GRIN1: variants seen among roughly 807,000 people sequenced by gnomAD.
GRIN1 encodes glutamate ionotropic receptor NMDA type subunit 1, also known as glutamate receptor ionotropic, NMDA 1.
A neutral mutation model predicts 103.0 loss-of-function variants in GRIN1; 38 were observed. The observed-to-expected ratio is 0.37, with a 90% CI of 0.28 to 0.48. The LOEUF (loss-of-function observed/expected upper bound fraction) is 0.48. Among genes scored for constraint, GRIN1 ranks in the 20% least tolerant of loss-of-function variants. GRIN1 has a pLI of 0.98. For synonymous variants in GRIN1, 544 were observed against 532.7 expected, an observed-to-expected ratio of 1.02 and a Z score of -0.29; for missense variants, 577 against 1,288.9, an observed-to-expected ratio of 0.45 and a Z score of 8.46.
chr9:137,142,101 T>A lies in GRIN1; in HGVS notation c.347T>A (p.Ile116Lys). The A allele has an allele frequency of 6.2e-7, 1 of 1,614,220 alleles. No homozygotes were observed. The highest frequency in any genetic ancestry group is 8.5e-7 in the Non-Finnish European group (1 of 1,180,038). The change falls in exon 2 of 20, where the codon ATA (isoleucine) becomes AAA (lysine). Residue 116 changes from isoleucine (I) to lysine (K), a missense_variant. Transcript: ENST00000371561. Reference protein sequence around the residue: ...PVSYTAGFYRIPVLGLTTRMS... With the variant: ...PVSYTAGFYRKPVLGLTTRMS... The stretch of plus-strand genomic sequence containing the variant: ...TCCTACACAGCCGGCTTCTACCGCA[T>A]ACCCGTGCTGGGGCTGACCACCCGC...
At position 137,149,064 on chromosome 9, in the gene GRIN1, T is replaced by G; in HGVS notation, c.626T>G (p.Met209Arg). Reference sequence around the variant, plus strand: ...ACCAAGAACGTGACGGCCCTGCTGATGGAGGCGAAAGAGCTGGAGGCCCGG... The same window carrying G: ...ACCAAGAACGTGACGGCCCTGCTGAGGGAGGCGAAAGAGCTGGAGGCCCGG... ...PGTKNVTALL[M>R]EAKELEARVI... Residue 209 changes from methionine (M) to arginine (R), a missense_variant, in exon 4 of 20, where the codon ATG (methionine) becomes AGG (arginine). Physicochemically the swap from Met to Arg is moderately conservative, Grantham distance 91. This residue lies in a region of GRIN1 where 308 missense variants were observed against 553.6 expected (regional missense o/e 0.56). Coordinates refer to ENST00000371561, the MANE Select transcript of GRIN1 (RefSeq NM_007327.4). The G allele has an allele frequency of 6.2e-7, 1 of 1,613,640 alleles. No individual in the cohort carries two copies. Among genetic ancestry groups the G allele is most frequent in the Non-Finnish European group, 8.5e-7 (1 of 1,179,756 alleles).
In GRIN1 at chr9:137,158,448, G is replaced by A; in HGVS notation, c.1038G>A (p.Arg346=). The change falls in exon 7 of 20, where the codon CGG becomes CGA. Residue 346 remains arginine, a synonymous_variant. Transcript: ENST00000371561. ...GRVEFNEDGD[R]KFANYSIMNL... ...TGGAGTTCAATGAGGATGGGGACCG[G>A]AAGTTCGCCAACTACAGCATCATGA... is the stretch of plus-strand genomic sequence containing the variant. 1.2e-6 allele frequency: 2 copies of A among 1,613,602 alleles called. No homozygotes were observed. Among genetic ancestry groups the A allele is most frequent in the Non-Finnish European group, 1.7e-6 (2 of 1,179,974 alleles).
chr9:137,156,036 G>A (rs1833196776), intron 4 of GRIN1, among the ~76,000 whole-genome samples: 1 of 152,250 alleles, frequency 6.6e-6, no homozygotes, highest in Admixed American at 6.5e-5. Context: ...GGACCAGAGG[G>A]GTGTGGCCTG....
intron 3 of GRIN1, chr9:137,148,282 G>A: frequency 9.3e-7 from 1 of 1,070,866 alleles, no homozygotes; most frequent in Non-Finnish European, 1.4e-6. Context: ...TCGGCCACTA[G>A]GGCCACTGTC....
Position 137,139,835 on chromosome 9 carries a change from T to C in GRIN1, c.258+91T>C. On this transcript the variant is annotated intron_variant, in intron 1 of 19. Coordinates refer to ENST00000371561, the MANE Select transcript of GRIN1 (RefSeq NM_007327.4). This position sits in a 1 kb window ranked among gnomAD's most constrained non-coding sequence, Gnocchi z 7.7. ...TTCATTCCATCCTTTCCGTGCCCCC[T>C]TCCTCCCTGTAAGACACCACCCCAG... 9.7e-7 allele frequency: 1 copy of C among 1,031,098 alleles called. No homozygotes were observed. The highest frequency in any genetic ancestry group is 1.8e-5 in the Admixed American group (1 of 56,626). 63.9% of individuals were successfully genotyped at this position (1,031,098 alleles called of 1,614,324 possible).
At chr9:137,158,883 CAG>C (rs1414186333) in intron 8 of GRIN1, among the ~76,000 whole-genome samples, 179 bp downstream of exon 8, 1 of 152,222 alleles carries the variant, frequency 6.6e-6, no homozygotes, top group African/African-American at 2.4e-5. Flanking sequence ...GCAGAGAGAA[CAG>C]GAGGGAGGAG....
intron 2 of GRIN1, among the ~76,000 whole-genome samples, chr9:137,144,629 AGT>A (rs1318455300): frequency 7.0e-6 from 1 of 142,214 alleles, no homozygotes; most frequent in Non-Finnish European, 1.5e-5. Context: ...CCTGGGTAAC[AGT>A]GCGAGACTGT....
intron 4 of GRIN1, among the ~76,000 whole-genome samples, chr9:137,156,100 G>C (rs4880218): frequency 0.68 from 103,900 of 151,736 alleles, 36,382 homozygotes; most frequent in East Asian, 0.93. Context: ...CAACTCTTGT[G>C]TGTCCCATGT....
At position 137,162,182 on chromosome 9, in the gene GRIN1, G is replaced by T; in HGVS notation, c.1643G>T (p.Arg548Leu). 6.5e-7 allele frequency: 1 copy of T among 1,544,262 alleles called. No individual in the cohort carries two copies. ...LTILVKKEIP[R>L]STLDSFMQPF... ...CGCGTCCCTCCGCAGGAGATTCCCC[G>T]GAGCACGCTGGACTCGTTCATGCAG... Residue 548 changes from arginine to leucine, a missense_variant, in exon 12 of 20, where the codon CGG becomes CTG. Coordinates refer to ENST00000371561, the MANE Select transcript of GRIN1 (RefSeq NM_007327.4).
chr9:137,150,331 A>G (rs1425341877), intron 4 of GRIN1, among the ~76,000 whole-genome samples: 1 of 152,062 alleles, frequency 6.6e-6, no homozygotes, highest in Non-Finnish European at 1.5e-5. Context: ...CGCCCAGAAA[A>G]AAAGACCCGC....
chr9:137,157,663 T>C (rs937767585), intron 6 of GRIN1, among the ~76,000 whole-genome samples: 1 of 152,174 alleles, frequency 6.6e-6, no homozygotes, highest in African/African-American at 2.4e-5. Context: ...ACATCTGCAG[T>C]GTGGCAGGAG....
At chr9:137,150,340 G>T (rs1213347381) in intron 4 of GRIN1, among the ~76,000 whole-genome samples, 1 of 147,694 alleles carries the variant, frequency 6.8e-6, no homozygotes, top group African/African-American at 2.5e-5. Flanking sequence ...AAAAAGACCC[G>T]CCAAGGGAAA....
chr9:137,142,693 GA>G (rs1832242352), intron 2 of GRIN1, among the ~76,000 whole-genome samples: 1 of 152,238 alleles, frequency 6.6e-6, no homozygotes, highest in African/African-American at 2.4e-5. Flanking sequence ...GGGGAGTTTG[GA>G]GAGCTGGGGG....
At chr9:137,141,552 CT>C (rs376530503) in intron 1 of GRIN1, among the ~76,000 whole-genome samples, 85 of 152,308 alleles carry the variant, frequency 5.6e-4, no homozygotes, top group African/African-American at 2.0e-3. Flanking sequence ...CTCCTAGCTG[CT>C]TCCCCCTGAA....
chr9:137,159,978 G>A (rs945362864), intron 8 of GRIN1, among the ~76,000 whole-genome samples: 23 of 152,300 alleles, frequency 1.5e-4, no homozygotes, highest in African/African-American at 5.1e-4. Context: ...CACCTTGAGG[G>A]CTCAGCTCTG....
At chr9:137,165,840 T>TGTCTCACCA (rs1833849090) in intron 19 of GRIN1, among the ~76,000 whole-genome samples, 1 of 152,238 alleles carries the variant, frequency 6.6e-6, no homozygotes, top group African/African-American at 2.4e-5. Context: ...CTGTCTCACC[T>TGTCTCACCA]GTCTCACCAG....
chr9:137,153,979 T>G (rs1449113777), intron 4 of GRIN1, among the ~76,000 whole-genome samples: 9 of 145,800 alleles, frequency 6.2e-5, no homozygotes, highest in African/African-American at 1.0e-4. Flanking sequence ...GCCCGGCTAA[T>G]TTTTGTATTT....
At chr9:137,147,935 G>T (rs903814230) in intron 3 of GRIN1, among the ~76,000 whole-genome samples, 1 of 152,118 alleles carries the variant, frequency 6.6e-6, no homozygotes, top group Admixed American at 6.5e-5. Flanking sequence ...ACAGCTTCGT[G>T]GCAGGGAGCC....
chr9:137,147,274 C>A (rs1832593868), intron 3 of GRIN1, among the ~76,000 whole-genome samples: 1 of 151,896 alleles, frequency 6.6e-6, no homozygotes, highest in African/African-American at 2.4e-5. Flanking sequence ...GACACGTACT[C>A]AGGTGCGCTC....
Sources: gnomAD v4.1 joint callset for allele counts (sites outside exome capture counted in the v4.1 genomes callset) on GRCh38, gnomAD v4.1.1 for gene constraint, gnomAD v4.1.1 regional missense constraint, Gnocchi (gnomAD v3.1) non-coding constraint, MANE v1.5 for transcripts, NCBI Gene and HGNC (gene_info 2026-07-23, HGNC 2026-07-21) for gene names.